GLT1D1: variants seen among roughly 807,000 people sequenced by gnomAD.
The protein encoded by GLT1D1 is glycosyltransferase 1 domain-containing protein 1.
In GLT1D1, 21 loss-of-function variants were observed where a neutral mutation model predicts 28.7. That is an observed-to-expected ratio of 0.73 (90% CI 0.52 to 1.05). The LOEUF (loss-of-function observed/expected upper bound fraction) is 1.05. GLT1D1 is among the 50% of genes least tolerant of loss of function. GLT1D1 has a pLI of 0.00. For missense variants in GLT1D1, 343 were observed against 330.6 expected (o/e 1.04, Z -0.29); for synonymous variants, 147 against 124.8 (o/e 1.18, Z -1.19).
At position 128,855,746 on chromosome 12, in the gene GLT1D1, C is replaced by CTTTTT. The variant is rs34715979; in HGVS notation, c.68+2117_68+2121dup. Among the ~76,000 whole-genome samples the CTTTTT allele has an allele frequency of 4.8e-3, 461 of 95,116 alleles. 6 individuals are homozygous for CTTTTT. Among genetic ancestry groups the CTTTTT allele is most frequent in the Middle Eastern group, 7.7e-3 (1 of 130 alleles). 62.4% of individuals were successfully genotyped at this position (95,116 alleles called of 152,430 possible). On this transcript the variant is annotated intron_variant, in intron 1 of 7. Coordinates refer to ENST00000281703, the MANE Select transcript of GLT1D1 (RefSeq NM_144669.3). ...AGCAGCCCCAAGGGCTGCTGGTTGC[C>CTTTTT]TTTTTTTTTTTTTTTTTTTTTTTTG...
chr12:128,906,115 C>T (rs1450375955), intron 4 of GLT1D1, among the ~76,000 whole-genome samples: 1 of 152,124 alleles, frequency 6.6e-6, no homozygotes. Context: ...GCTAGAATTA[C>T]AGGCGTGAGC....
At chr12:128,958,891 G>A (rs1169294099) in intron 7 of GLT1D1, among the ~76,000 whole-genome samples, 1 of 133,306 alleles carries the variant, frequency 7.5e-6, no homozygotes, top group Non-Finnish European at 1.5e-5. Context: ...AGGCTGCAGT[G>A]CAGTGGTGTG....
At chr12:128,887,530 CA>C (rs200471107) in intron 2 of GLT1D1, among the ~76,000 whole-genome samples, 5 of 143,784 alleles carry the variant, frequency 3.5e-5, no homozygotes, top group South Asian at 2.2e-4. Context: ...CACAGAGCTC[CA>C]AAAAAAAAGA....
At chr12:128,924,957 C>A (rs1873040102) in intron 4 of GLT1D1, among the ~76,000 whole-genome samples, 3 of 152,156 alleles carry the variant, frequency 2.0e-5, no homozygotes, top group South Asian at 2.1e-4. Flanking sequence ...CTGTGGCCAT[C>A]CACCACAAGC....
chr12:128,977,270 C>T (rs1339611615), intron 7 of GLT1D1, among the ~76,000 whole-genome samples: 1 of 152,122 alleles, frequency 6.6e-6, no homozygotes, highest in Non-Finnish European at 1.5e-5. Flanking sequence ...CTCCAGACTC[C>T]TCAGAAAGGA....
intron 1 of GLT1D1, among the ~76,000 whole-genome samples, chr12:128,857,087 G>A (rs919240672): frequency 4.6e-5 from 7 of 152,218 alleles, no homozygotes; most frequent in African/African-American, 7.2e-5. Flanking sequence ...CCTAACTTGA[G>A]CTGTAAACCC....
At chr12:128,918,855 G>A (rs140143175) in intron 4 of GLT1D1, among the ~76,000 whole-genome samples, 1,719 of 152,324 alleles carry the variant, frequency 0.011, 73 homozygotes, top group Admixed American at 0.091. Flanking sequence ...TGACTGTTTC[G>A]TTGGTCTTGC....
chr12:128,975,549 C>G (rs575212502), intron 7 of GLT1D1, among the ~76,000 whole-genome samples: 1 of 152,284 alleles, frequency 6.6e-6, no homozygotes, highest in South Asian at 2.1e-4. Context: ...GTCCCTGGTT[C>G]AAGCAATCAT....
intron 1 of GLT1D1, among the ~76,000 whole-genome samples, chr12:128,863,549 T>G (rs1286199864): frequency 6.6e-6 from 1 of 152,038 alleles, no homozygotes; most frequent in Non-Finnish European, 1.5e-5. Context: ...ATTTGGTATT[T>G]TTTTAGTAAA....
intron 4 of GLT1D1, among the ~76,000 whole-genome samples, chr12:128,922,938 A>T (rs77406605): frequency 1.4e-5 from 2 of 139,060 alleles, no homozygotes; most frequent in African/African-American, 5.3e-5. Flanking sequence ...AAAAAAAAAA[A>T]AAAAAAAAGA....
intron 2 of GLT1D1, among the ~76,000 whole-genome samples, chr12:128,886,686 C>T (rs73438397): frequency 0.052 from 7,864 of 152,020 alleles, 656 homozygotes; most frequent in African/African-American, 0.17. Context: ...CCACTTGTAA[C>T]GACCCCTGTG....
chr12:128,858,372 G>A (rs967834998), intron 1 of GLT1D1, among the ~76,000 whole-genome samples: 7 of 152,180 alleles, frequency 4.6e-5, no homozygotes, highest in African/African-American at 1.7e-4. Context: ...AGGAAAATCT[G>A]CATCTGTAAA....
chr12:128,888,160 G>A (rs904089283), intron 2 of GLT1D1, among the ~76,000 whole-genome samples: 3 of 152,188 alleles, frequency 2.0e-5, no homozygotes, highest in Non-Finnish European at 2.9e-5. Context: ...CACCCCTGCT[G>A]TACTGAACAG....
intron 1 of GLT1D1, among the ~76,000 whole-genome samples, chr12:128,859,261 C>T (rs1235099685): frequency 3.3e-5 from 5 of 152,108 alleles, no homozygotes; most frequent in African/African-American, 7.2e-5. Context: ...GGTGGGAGAA[C>T]GGAGGGGGAG....
At chr12:128,856,555 C>T (rs1161301406) in intron 1 of GLT1D1, among the ~76,000 whole-genome samples, 1 of 152,112 alleles carries the variant, frequency 6.6e-6, no homozygotes, top group African/African-American at 2.4e-5. Context: ...GAGGCTGTCA[C>T]TGAGATCTGG....
intron 1 of GLT1D1, 109 bp from the exon 2 acceptor site, chr12:128,875,799 TCAACAA>T: frequency 5.0e-6 from 5 of 996,656 alleles, no homozygotes; most frequent in South Asian, 1.6e-5. Context: ...AAACTCTGTC[TCAACAA>T]CAACAACAAC....
chr12:128,855,746 CT>C (rs34715979), intron 1 of GLT1D1, among the ~76,000 whole-genome samples: 11,444 of 95,178 alleles, frequency 0.12, 434 homozygotes, highest in Middle Eastern at 0.23. Flanking sequence ...TGCTGGTTGC[CT>C]TTTTTTTTTT....
intron 7 of GLT1D1, among the ~76,000 whole-genome samples, chr12:128,958,725 G>C (rs1356446541): frequency 8.8e-6 from 1 of 113,122 alleles, no homozygotes; most frequent in Non-Finnish European, 1.7e-5. Context: ...ACTGTGTATA[G>C]GCAACAGAGT....
At position 128,951,679 on chromosome 12, in the gene GLT1D1, T is replaced by C. The variant is rs143975760; in HGVS notation, c.540+4221T>C. 2.9e-4 allele frequency among the ~76,000 whole-genome samples: 44 copies of C among 152,268 alleles called. No individual in the cohort carries two copies. The East Asian group carries it at 6.2e-3, about 21-fold the overall frequency. ...GGGCATGTTCTGAGGTCGAGCACAC[T>C]CACCTCTGTGCACTGTCCGCCCAGG... is the stretch of plus-strand genomic sequence containing the variant. On this transcript the variant is annotated intron_variant, in intron 6 of 7. Coordinates refer to ENST00000281703, the MANE Select transcript of GLT1D1 (RefSeq NM_144669.3).
Sources: allele counts gnomAD v4.1 joint callset (sites outside exome capture counted in the v4.1 genomes callset), GRCh38; gene constraint gnomAD v4.1.1; transcripts MANE v1.5; gene names NCBI Gene and HGNC (gene_info 2026-07-23, HGNC 2026-07-21).